The following FAM174A variants were observed in gnomAD, a reference collection of about 807,000 sequenced individuals.
FAM174A encodes the protein membrane protein FAM174A.
In FAM174A, 14 loss-of-function variants were observed where a neutral mutation model predicts 14.3. The ratio of observed to expected loss-of-function variants is 0.98; its 90% CI spans 0.65 to 1.53. The LOEUF (loss-of-function observed/expected upper bound fraction) is 1.53, where lower values mean the gene tolerates loss of function less well. FAM174A is among the 40% of genes most tolerant of loss of function. The pLI, the probability that FAM174A is intolerant of heterozygous loss-of-function variation, is 0.00. For synonymous variants in FAM174A, 108 were observed against 111.4 expected, an observed-to-expected ratio of 0.97 and a Z score of 0.19; for missense variants, 241 against 249.6, an observed-to-expected ratio of 0.97 and a Z score of 0.23.
rs1276781721 is a variant in FAM174A at position 100,545,119 on chromosome 5, T to G, written c.434+9155T>G. Among the ~76,000 whole-genome samples, 4 of 152,234 alleles carry G rather than the reference T, an allele frequency of 2.6e-5. No individual in the cohort carries two copies. In the East Asian group the frequency reaches 7.7e-4, roughly 29 times the overall value. ...ATGATCTCCAGTGCCCATTGTAGTA[T>G]TTCTCTTCTATATTATTGCATTTGA... On this transcript the variant is annotated intron_variant, in intron 1 of 2. Coordinates refer to ENST00000312637, the MANE Select transcript of FAM174A (RefSeq NM_198507.3).
intron 1 of FAM174A, among the ~76,000 whole-genome samples, chr5:100,540,128 A>G (rs1196768775): frequency 2.0e-5 from 3 of 152,122 alleles, no homozygotes; most frequent in African/African-American, 7.2e-5. Context: ...GACTTTAATC[A>G]CCATTTCTCT....
intron 1 of FAM174A, among the ~76,000 whole-genome samples, chr5:100,555,103 G>A (rs1412481909): frequency 1.3e-4 from 18 of 135,092 alleles, no homozygotes; most frequent in East Asian, 1.0e-3. Context: ...AACAGGCCCC[G>A]GTGTGTGATG....
At chr5:100,542,828 T>C (rs1455504430) in intron 1 of FAM174A, among the ~76,000 whole-genome samples, 1 of 150,514 alleles carries the variant, frequency 6.6e-6, no homozygotes, top group Non-Finnish European at 1.5e-5. Flanking sequence ...ATCCTGCTTA[T>C]TATATTTATA....
chr5:100,573,169 T>C (rs1323604013), intron 2 of FAM174A, among the ~76,000 whole-genome samples: 1 of 152,148 alleles, frequency 6.6e-6, no homozygotes, highest in Non-Finnish European at 1.5e-5. Context: ...GTCAGTTGAG[T>C]AGGTTGCGAA....
intron 2 of FAM174A, among the ~76,000 whole-genome samples, chr5:100,584,181 G>A (rs764337419): frequency 1.1e-4 from 16 of 152,204 alleles, no homozygotes; most frequent in Admixed American, 2.6e-4. Context: ...GCTGGTGTTT[G>A]TCTTTTCCCT....
intron 1 of FAM174A, among the ~76,000 whole-genome samples, chr5:100,552,576 G>T (rs1746286378): frequency 1.3e-5 from 2 of 151,888 alleles, no homozygotes; most frequent in Non-Finnish European, 2.9e-5. Flanking sequence ...TACATTGATT[G>T]GTGTTCTCCC....
At chr5:100,540,070 C>T (rs1375817682) in intron 1 of FAM174A, among the ~76,000 whole-genome samples, 5 of 152,150 alleles carry the variant, frequency 3.3e-5, no homozygotes, top group Non-Finnish European at 4.4e-5. Context: ...AATATGGTCA[C>T]ACATATTTCC....
Position 100,586,345 on chromosome 5 carries a change from T to TA in FAM174A, c.*161_*162insA. 2.3e-6 allele frequency: 1 copy of TA among 436,716 alleles called. No individual in the cohort carries two copies. The highest frequency in any genetic ancestry group is 2.0e-5 in the African/African-American group (1 of 48,906). The allele number at this position is 436,716 out of a possible 1,614,324, so 27.1% of individuals were successfully genotyped here. ...CTGTTGCAATAAATACCGTATCCTTTTATTATATCTTTATATGTATAGAAG... is the reference window on the plus strand; with the variant it reads ...CTGTTGCAATAAATACCGTATCCTTTATATTATATCTTTATATGTATAGAAG... On this transcript the variant is annotated 3_prime_UTR_variant, in exon 3 of 3. Coordinates refer to ENST00000312637, the MANE Select transcript of FAM174A (RefSeq NM_198507.3).
intron 1 of FAM174A, among the ~76,000 whole-genome samples, chr5:100,553,807 T>C (rs1746310138): frequency 1.3e-5 from 2 of 152,120 alleles, no homozygotes; most frequent in South Asian, 4.1e-4. Flanking sequence ...TATATACAGA[T>C]AGGGAAAATA....
At chr5:100,550,409 G>A (rs1746240184) in intron 1 of FAM174A, among the ~76,000 whole-genome samples, 1 of 152,184 alleles carries the variant, frequency 6.6e-6, no homozygotes, top group Non-Finnish European at 1.5e-5. Context: ...TATTCCAAGG[G>A]TGATAATTTA....
At chr5:100,566,696 ACAT>A (rs373987369) in intron 2 of FAM174A, among the ~76,000 whole-genome samples, 4 of 152,012 alleles carry the variant, frequency 2.6e-5, no homozygotes, top group African/African-American at 7.2e-5. Context: ...GCACATCATA[ACAT>A]CATAACATTA....
intron 2 of FAM174A, among the ~76,000 whole-genome samples, chr5:100,578,630 G>A (rs1746947738): frequency 6.6e-6 from 1 of 152,024 alleles, no homozygotes; most frequent in Non-Finnish European, 1.5e-5. Flanking sequence ...AATAAAGAAG[G>A]ATATTGTTTT....
At chr5:100,563,400 C>CAA (rs35690521) in intron 2 of FAM174A, among the ~76,000 whole-genome samples, 10 of 143,958 alleles carry the variant, frequency 6.9e-5, no homozygotes, top group South Asian at 2.3e-4. Context: ...TCTCTTGAGA[C>CAA]AAAAAAAAAA....
At chr5:100,550,364 A>G (rs1033473990) in intron 1 of FAM174A, among the ~76,000 whole-genome samples, 11 of 152,186 alleles carry the variant, frequency 7.2e-5, no homozygotes, top group African/African-American at 2.2e-4. Flanking sequence ...TTGTTGTGGT[A>G]TGTATCTGGA....
At chr5:100,538,604 G>A (rs1745986846) in intron 1 of FAM174A, among the ~76,000 whole-genome samples, 1 of 151,958 alleles carries the variant, frequency 6.6e-6, no homozygotes, top group Admixed American at 6.6e-5. Flanking sequence ...TCTATGAAAA[G>A]AGACTTTTCT....
intron 1 of FAM174A, among the ~76,000 whole-genome samples, chr5:100,548,271 CAGA>C (rs1390890393): frequency 6.6e-6 from 1 of 152,112 alleles, no homozygotes; most frequent in East Asian, 1.9e-4. Context: ...TCTGTTAAGC[CAGA>C]AGAAGAAAGT....
chr5:100,562,633 A>T (rs148136874), intron 2 of FAM174A, among the ~76,000 whole-genome samples: 188 of 150,894 alleles, frequency 1.2e-3, no homozygotes, highest in African/African-American at 4.1e-3. Context: ...TGTGTGTGTG[A>T]GAGAGAAATA....
chr5:100,553,775 C>G (rs1467215450), intron 1 of FAM174A, among the ~76,000 whole-genome samples: 7 of 151,934 alleles, frequency 4.6e-5, no homozygotes, highest in African/African-American at 1.7e-4. Flanking sequence ...ATGTTCAAAC[C>G]AATGCAGCCA....
rs1747124918 is a variant in FAM174A, at chr5:100,586,282, G to GTA, written c.*100_*101dup. The GTA allele has an allele frequency of 5.3e-6, 4 of 761,296 alleles. No individual in the cohort carries two copies. The highest frequency in any genetic ancestry group is 8.5e-6 in the Non-Finnish European group (4 of 473,286). The allele number at this position is 761,296 out of a possible 1,614,324, so 47.2% of individuals were successfully genotyped here. A position where few individuals can be genotyped will look rare whatever the true frequency, so the allele number is the denominator to read the frequency against. On this transcript the variant is annotated 3_prime_UTR_variant, in exon 3 of 3. Coordinates refer to ENST00000312637, the MANE Select transcript of FAM174A (RefSeq NM_198507.3). The stretch of plus-strand genomic sequence containing the variant: ...AAGCCACTATATCAATGTTGGGGGG[G>GTA]TATTTAAGTTACATATATTTTAACA...
Sources: allele counts gnomAD v4.1 joint callset (sites outside exome capture counted in the v4.1 genomes callset), GRCh38; gene constraint gnomAD v4.1.1; transcripts MANE v1.5; gene names NCBI Gene and HGNC (gene_info 2026-07-23, HGNC 2026-07-21).